Variants in GRIP2 observed in about 807,000 individuals in gnomAD.
GRIP2 encodes glutamate receptor-interacting protein 2.
Under a neutral mutation model 108.3 loss-of-function variants are expected in GRIP2, and 58 were observed. The ratio of observed to expected loss-of-function variants is 0.54; its 90% CI spans 0.43 to 0.67. The LOEUF is 0.67. Among genes scored for constraint, GRIP2 ranks in the 30% least tolerant of loss-of-function variants. GRIP2 has a pLI of 0.00. For synonymous variants in GRIP2, 586 were observed against 598.2 expected, an observed-to-expected ratio of 0.98 and a Z score of 0.30; for missense variants, 1,278 against 1,430.6, an observed-to-expected ratio of 0.89 and a Z score of 1.72.
Position 14,509,920 on chromosome 3 carries a change from T to C in GRIP2, c.1978A>G (p.Lys660Glu). The C allele has an allele frequency of 6.4e-7, 1 of 1,551,830 alleles. No homozygotes were observed. The highest frequency in any genetic ancestry group is 8.7e-7 in the Non-Finnish European group (1 of 1,148,092). ...ATGCCCAGGGGACCCCCGTAGCGCTTCAGCTCCACTGTGTAACTGACGGCA... is the reference window on the plus strand; with the variant it reads ...ATGCCCAGGGGACCCCCGTAGCGCTCCAGCTCCACTGTGTAACTGACGGCA... ...TGAVSYTVEL[K>E]RYGGPLGITI... The change falls in exon 17 of 24, where the codon AAG becomes GAG. Residue 660 changes from lysine (K) to glutamate (E), a missense_variant. Lys to Glu is a moderately conservative substitution (Grantham distance 56, BLOSUM62 1). Transcript: ENST00000621039.
intron 1 of GRIP2, among the ~76,000 whole-genome samples, chr3:14,555,069 T>G (rs1486307838): frequency 6.6e-6 from 1 of 151,852 alleles, no homozygotes; most frequent in Non-Finnish European, 1.5e-5. Flanking sequence ...GGGGTTTAAC[T>G]CCAGCTCCTC....
chr3:14,508,551 C>T (rs1013730701), intron 17 of GRIP2, among the ~76,000 whole-genome samples: 1 of 152,150 alleles, frequency 6.6e-6, no homozygotes, highest in Non-Finnish European at 1.5e-5. Context: ...GAGAGTCATG[C>T]TTGGGCATTG....
At chr3:14,510,765 C>T (rs1448181246) in intron 16 of GRIP2, among the ~76,000 whole-genome samples, 6 of 152,108 alleles carry the variant, frequency 3.9e-5, no homozygotes, top group East Asian at 3.9e-4. Flanking sequence ...CACTATCTGG[C>T]GTCAGTGGGG....
At chr3:14,540,387 GGGGCTGTGGGAGGGAAGCT>G, upstream of GRIP2, 2 of 1,610,360 alleles carry the variant, frequency 1.2e-6, no homozygotes, top group Non-Finnish European at 1.7e-6. The surrounding 1 kb of genome is among the most constrained non-coding windows in gnomAD (Gnocchi z 4.1). Context: ...TCCCCAGGGA[GGGGCTGTGGGAGGGAAGCT>G]CACAGCTCCC....
chr3:14,587,933 C>T, the GRIP2 span, among the ~76,000 whole-genome samples: 2 of 152,184 alleles, frequency 1.3e-5, no homozygotes, highest in Admixed American at 1.3e-4. Flanking sequence ...CATTCCTCTG[C>T]AGTGACATAT....
upstream of GRIP2, chr3:14,541,775 C>A (rs960796666): frequency 7.1e-5 from 58 of 822,248 alleles, no homozygotes; most frequent in Non-Finnish European, 9.5e-5. Flanking sequence ...GTCTCAGCCA[C>A]AGGGTGGGTG....
intron 4 of GRIP2, chr3:14,524,092 G>A (rs2176782): frequency 0.43 from 220,906 of 515,356 alleles, 50,290 homozygotes; most frequent in East Asian, 0.59. Context: ...GAGTGTGGGC[G>A]TGGTAGGTCA....
chr3:14,549,694 A>G (rs963475722), intron 1 of GRIP2, among the ~76,000 whole-genome samples: 4 of 152,070 alleles, frequency 2.6e-5, no homozygotes, highest in Non-Finnish European at 5.9e-5. Flanking sequence ...CTGGCACTCT[A>G]CAGATTTCAT....
At chr3:14,557,334 T>G (rs1232648201), upstream of GRIP2, among the ~76,000 whole-genome samples, 2 of 152,354 alleles carry the variant, frequency 1.3e-5, no homozygotes, top group East Asian at 3.9e-4. Context: ...GAGTCTCCTT[T>G]CGGCTCTTCC....
At chr3:14,557,191 C>A (rs563881483), upstream of GRIP2, among the ~76,000 whole-genome samples, 123 of 152,300 alleles carry the variant, frequency 8.1e-4, no homozygotes, top group South Asian at 8.7e-3. Context: ...TTCACCAGCA[C>A]GCAGGATTCC....
the GRIP2 span, among the ~76,000 whole-genome samples, chr3:14,585,468 C>A: frequency 6.6e-6 from 1 of 152,262 alleles, no homozygotes; most frequent in African/African-American, 2.4e-5. Flanking sequence ...ACGTAAAGGG[C>A]AGTTCAGAGC....
chr3:14,598,698 G>A, the GRIP2 span, among the ~76,000 whole-genome samples: 6 of 152,238 alleles, frequency 3.9e-5, 1 homozygote, highest in Admixed American at 3.9e-4. Context: ...TTCCCTGGCA[G>A]TAAAGGTCCT....
chr3:14,528,933 C>T (rs1317879550), intron 1 of GRIP2, among the ~76,000 whole-genome samples: 4 of 152,050 alleles, frequency 2.6e-5, no homozygotes, highest in South Asian at 2.1e-4. Context: ...ATAATGTGTG[C>T]TTTGAAAAGC....
the GRIP2 span, chr3:14,573,077 G>A: frequency 1.4e-6 from 2 of 1,396,054 alleles, no homozygotes. Context: ...AGGAGAGAAA[G>A]AGGCCACTGA....
At chr3:14,546,241 G>C (rs1695055967), upstream of GRIP2, among the ~76,000 whole-genome samples, 1 of 152,214 alleles carries the variant, frequency 6.6e-6, no homozygotes, top group East Asian at 1.9e-4. Flanking sequence ...TGGGTACCAG[G>C]AGCAGCTGAG....
chr3:14,554,134 T>A (rs933859909), intron 1 of GRIP2, among the ~76,000 whole-genome samples: 6 of 152,158 alleles, frequency 3.9e-5, no homozygotes, highest in African/African-American at 1.4e-4. Context: ...CAATCGGCAC[T>A]GCAATCTCAG....
Position 14,517,796 on chromosome 3 carries a change from G to A in GRIP2, c.1132C>T (p.Pro378Ser), listed in dbSNP as rs1482313747. The A allele has an allele frequency of 6.2e-7, 1 of 1,609,146 alleles. No individual in the cohort carries two copies. The highest frequency in any genetic ancestry group is 1.7e-5 in the Admixed American group (1 of 59,418). The change falls in exon 10 of 24, where the codon CCT (proline) becomes TCT (serine). Residue 378 changes from proline (P) to serine (S), a missense_variant. Transcript: ENST00000621039. The stretch of plus-strand genomic sequence containing the variant: ...CATCGGCTTTGGTCCTGGCCAGCAG[G>A]TGTGGCCCAGGTGGGCATCCTGCAG... Reference protein sequence around the residue: ...GHCRMPTWATPAGQDQSRSLS... With the variant: ...GHCRMPTWATSAGQDQSRSLS...
intron 21 of GRIP2, among the ~76,000 whole-genome samples, chr3:14,498,235 G>A (rs925793438): frequency 6.6e-6 from 1 of 152,190 alleles, no homozygotes; most frequent in South Asian, 2.1e-4. Flanking sequence ...GCGGAGGCAG[G>A]AGGATTGTTT....
In GRIP2 at chr3:14,493,497, C is replaced by A. The variant is rs1325171707; in HGVS notation, c.*168G>T. 5 of 830,830 alleles carry A rather than the reference C, an allele frequency of 6.0e-6. No individual in the cohort carries two copies. The highest frequency in any genetic ancestry group is 8.9e-6 in the Non-Finnish European group (5 of 561,420). 51.5% of individuals were successfully genotyped at this position (830,830 alleles called of 1,614,324 possible). ...TAGGGCAGGACCTCCCTGCCTGGCA[C>A]CCCAGTCACCACAGACCTGGGGAAC... On this transcript the variant is annotated 3_prime_UTR_variant, in exon 24 of 24. Coordinates refer to ENST00000621039, the MANE Select transcript of GRIP2 (RefSeq NM_001080423.4).
Sources: gnomAD v4.1 joint callset for allele counts (sites outside exome capture counted in the v4.1 genomes callset) on GRCh38, gnomAD v4.1.1 for gene constraint, Gnocchi (gnomAD v3.1) non-coding constraint, MANE v1.5 for transcripts, NCBI Gene and HGNC (gene_info 2026-07-23, HGNC 2026-07-21) for gene names.